CAMTA1: variants seen among roughly 807,000 people sequenced by gnomAD.
The protein encoded by CAMTA1 is calmodulin-binding transcription activator 1.
Under a neutral mutation model 170.9 loss-of-function variants are expected in CAMTA1, and 27 were observed. The observed-to-expected ratio is 0.16, with a 90% confidence interval of 0.12 to 0.22. The LOEUF is 0.22. Ranked by LOEUF, CAMTA1 falls within the 10% of genes least tolerant of loss-of-function variation. The pLI is 1.00. For synonymous variants in CAMTA1, 833 were observed against 891.5 expected, an observed-to-expected ratio of 0.93 and a Z score of 1.17; for missense variants, 1,619 against 2,217.2, an observed-to-expected ratio of 0.73 and a Z score of 5.42.
intron 3 of CAMTA1, among the ~76,000 whole-genome samples, chr1:7,012,282 G>T (rs1270311579): frequency 6.6e-6 from 1 of 152,096 alleles, no homozygotes; most frequent in Non-Finnish European, 1.5e-5. Context: ...CTCTCTCTTA[G>T]CTGTTGACCT....
At chr1:7,722,188 C>T (rs1280151374) in intron 11 of CAMTA1, among the ~76,000 whole-genome samples, 1 of 152,358 alleles carries the variant, frequency 6.6e-6, no homozygotes, top group Non-Finnish European at 1.5e-5. Flanking sequence ...CCCAGCCCTT[C>T]TAAACTTAGA....
At chr1:7,233,059 C>T (rs554781867) in intron 4 of CAMTA1, among the ~76,000 whole-genome samples, 11 of 151,440 alleles carry the variant, frequency 7.3e-5, no homozygotes, top group South Asian at 4.2e-4. Context: ...TTCATTGTCT[C>T]GAAAGCTCCC....
At chr1:6,937,978 T>C (rs1685747399) in intron 3 of CAMTA1, among the ~76,000 whole-genome samples, 1 of 152,234 alleles carries the variant, frequency 6.6e-6, no homozygotes. Context: ...TCCCTTAAAT[T>C]GGTCATCTCC....
intron 3 of CAMTA1, among the ~76,000 whole-genome samples, chr1:6,943,973 C>G (rs1477549028): frequency 6.6e-6 from 1 of 151,774 alleles, no homozygotes; most frequent in African/African-American, 2.4e-5. Context: ...ATCTCCAGAA[C>G]TTTGCTATCT....
chr1:7,187,901 A>G (rs1291377341), intron 4 of CAMTA1, among the ~76,000 whole-genome samples: 2 of 152,212 alleles, frequency 1.3e-5, no homozygotes, highest in African/African-American at 2.4e-5. Flanking sequence ...GCCCTGTATT[A>G]GTCTGTTATC....
intron 1 of CAMTA1, among the ~76,000 whole-genome samples, chr1:6,789,635 T>C (rs570154174): frequency 1.3e-5 from 2 of 152,146 alleles, no homozygotes; most frequent in Non-Finnish European, 2.9e-5. Context: ...AATTTGCCCT[T>C]CTGGGGAGAA....
chr1:7,063,757 G>A lies in CAMTA1; in HGVS notation c.235-27547G>A, dbSNP rs1708593118. ...CAACAACCACACTTTTTCAGGCACTGGTTGTGCGATTAGCATCCTGCCAGG... is the reference window on the plus strand; with the variant it reads ...CAACAACCACACTTTTTCAGGCACTAGTTGTGCGATTAGCATCCTGCCAGG... On this transcript the variant is annotated intron_variant, in intron 3 of 22. Transcript: ENST00000303635. This position sits in a 1 kb window ranked among gnomAD's most constrained non-coding sequence, Gnocchi z 4.3. Among the ~76,000 whole-genome samples the A allele has an allele frequency of 6.6e-6, 1 of 152,228 alleles. No individual in the cohort carries two copies. Among genetic ancestry groups the A allele is most frequent in the Admixed American group, 6.5e-5 (1 of 15,280 alleles).
intron 5 of CAMTA1, among the ~76,000 whole-genome samples, chr1:7,425,184 G>C (rs1207327354): frequency 6.6e-6 from 1 of 152,202 alleles, no homozygotes; most frequent in Admixed American, 6.5e-5. Context: ...CAGGCCAAGA[G>C]GCCTTGATCC....
At chr1:7,070,463 C>T (rs951306651) in intron 3 of CAMTA1, among the ~76,000 whole-genome samples, 2 of 152,056 alleles carry the variant, frequency 1.3e-5, no homozygotes, top group Non-Finnish European at 2.9e-5. Flanking sequence ...TGTTGTCTTC[C>T]CGCAGCGATA....
At chr1:7,361,630 A>C (rs1316801627) in intron 5 of CAMTA1, among the ~76,000 whole-genome samples, 2 of 152,250 alleles carry the variant, frequency 1.3e-5, no homozygotes, top group Non-Finnish European at 2.9e-5. Flanking sequence ...AAAAGTCAAG[A>C]TGAATCTCAT....
intron 4 of CAMTA1, among the ~76,000 whole-genome samples, chr1:7,243,877 A>G (rs1198203658): frequency 6.6e-6 from 1 of 152,234 alleles, no homozygotes; most frequent in Non-Finnish European, 1.5e-5. Context: ...AACAAAAGCC[A>G]AAATTGACAA....
At chr1:6,943,680 C>T (rs1209023368) in intron 3 of CAMTA1, among the ~76,000 whole-genome samples, 1 of 151,850 alleles carries the variant, frequency 6.6e-6, no homozygotes, top group African/African-American at 2.4e-5. Flanking sequence ...ACCCCCGTCT[C>T]TACTAAAAAT....
chr1:7,021,446 T>TC (rs1184204681), intron 3 of CAMTA1, among the ~76,000 whole-genome samples: 2 of 152,238 alleles, frequency 1.3e-5, no homozygotes, highest in African/African-American at 2.4e-5. Flanking sequence ...TTTCTGATTT[T>TC]CCCTCTGTCT....
chr1:6,794,880 C>CTTTT (rs1305335139), intron 1 of CAMTA1, among the ~76,000 whole-genome samples: 4 of 141,896 alleles, frequency 2.8e-5, no homozygotes, highest in African/African-American at 5.4e-5. Context: ...TAGATAAAGG[C>CTTTT]TTTTTTTTTG....
chr1:7,544,225 A>T lies in CAMTA1; in HGVS notation c.510+76324A>T, dbSNP rs182689933. 8.4e-3 allele frequency among the ~76,000 whole-genome samples: 1,279 copies of T among 152,340 alleles called. 18 individuals are homozygous for T. The highest frequency in any genetic ancestry group is 0.029 in the African/African-American group (1,212 of 41,580). ...GGCGGTGGCAAGAGAAAAATGAAGA[A>T]GATGCAAAAGCAGAAACCCCTGATA... On this transcript the variant is annotated intron_variant, in intron 6 of 22. Transcript: ENST00000303635.
At chr1:7,737,092 G>C (rs958398386) in intron 14 of CAMTA1, 83 bp downstream of exon 14, 2 of 1,343,746 alleles carry the variant, frequency 1.5e-6, no homozygotes, top group Admixed American at 1.7e-5. Context: ...GTTGTCTCTT[G>C]CTGACACATG....
chr1:7,156,559 G>T (rs1156824490), intron 4 of CAMTA1, among the ~76,000 whole-genome samples: 2 of 152,196 alleles, frequency 1.3e-5, no homozygotes, highest in Non-Finnish European at 2.9e-5. Flanking sequence ...TACCTTGTTT[G>T]CAAGAAGCTG....
chr1:7,114,554 T>A (rs1490432435), intron 4 of CAMTA1, among the ~76,000 whole-genome samples: 3 of 152,240 alleles, frequency 2.0e-5, no homozygotes, highest in Non-Finnish European at 4.4e-5. Context: ...ATGTGGCCTG[T>A]GGGCTGTGGG....
rs57489369 is a variant in CAMTA1, at chr1:7,281,799, TTGTGTGTGTGTGTGTG to T, written c.438+32203_438+32218del. Among the ~76,000 whole-genome samples, 32 of 139,310 alleles carry T rather than the reference TTGTGTGTGTGTGTGTG, an allele frequency of 2.3e-4. 1 individual carries two copies. Among genetic ancestry groups the T allele is most frequent in the South Asian group, 1.7e-3 (7 of 4,014 alleles). 91.4% of individuals were successfully genotyped at this position (139,310 alleles called of 152,430 possible). A position where few individuals can be genotyped will look rare whatever the true frequency, so the allele number is the denominator to read the frequency against. On this transcript the variant is annotated intron_variant, in intron 5 of 22. Coordinates refer to ENST00000303635, the MANE Select transcript of CAMTA1 (RefSeq NM_015215.4). ...TGTTGTTTATGGAAGGGGAAAGAAA[TTGTGTGTGTGTGTGTG>T]TGTGTGTGTGTGTGTGTGTGTGTGT...
Sources: gnomAD v4.1 joint callset for allele counts (sites outside exome capture counted in the v4.1 genomes callset) on GRCh38, gnomAD v4.1.1 for gene constraint, Gnocchi (gnomAD v3.1) non-coding constraint, MANE v1.5 for transcripts, NCBI Gene and HGNC (gene_info 2026-07-23, HGNC 2026-07-21) for gene names.